Variants in DPP10 observed in about 807,000 individuals in gnomAD.
DPP10 encodes dipeptidyl peptidase like 10, also known as inactive dipeptidyl peptidase 10.
In DPP10, 33 loss-of-function variants were observed where a neutral mutation model predicts 120.9. The observed-to-expected ratio is 0.27, with a 90% CI of 0.21 to 0.37. The LOEUF is 0.37. Among genes scored for constraint, DPP10 ranks in the 10% least tolerant of loss-of-function variants. The probability of loss-of-function intolerance (pLI) is 1.00; values close to 1 mark genes in which losing one functional copy is unlikely to be tolerated. For synonymous variants in DPP10, 337 were observed against 326.1 expected (o/e 1.03, Z -0.36); for missense variants, 816 against 942.8 (o/e 0.87, Z 1.76).
intron 1 of DPP10, among the ~76,000 whole-genome samples, chr2:115,231,820 C>T (rs186448570): frequency 2.6e-5 from 4 of 152,290 alleles, no homozygotes; most frequent in Non-Finnish European, 4.4e-5. Context: ...TATTTGGGAT[C>T]AGCTCCACCT....
chr2:115,056,565 T>C (rs930474947), intron 1 of DPP10, among the ~76,000 whole-genome samples: 3 of 152,144 alleles, frequency 2.0e-5, no homozygotes, highest in Non-Finnish European at 4.4e-5. Flanking sequence ...TTCTGTGTTG[T>C]CCAGGTCTGT....
intron 1 of DPP10, among the ~76,000 whole-genome samples, chr2:115,200,215 G>C (rs561462833): frequency 1.3e-5 from 2 of 152,152 alleles, no homozygotes; most frequent in Non-Finnish European, 2.9e-5. Flanking sequence ...TCGGTTGGGC[G>C]TCTTTTCCAT....
At chr2:115,736,763 A>T (rs1177837343) in intron 8 of DPP10, among the ~76,000 whole-genome samples, 1 of 152,280 alleles carries the variant, frequency 6.6e-6, no homozygotes, top group South Asian at 2.1e-4. Flanking sequence ...GATGGCCACT[A>T]CCATTGGCAG....
chr2:114,743,090 G>A (rs568186478), intron 1 of DPP10, among the ~76,000 whole-genome samples: 2 of 152,250 alleles, frequency 1.3e-5, no homozygotes, highest in East Asian at 1.9e-4. Context: ...TTTCTTCTGC[G>A]TAAAGACAAA....
intron 1 of DPP10, among the ~76,000 whole-genome samples, chr2:115,226,942 C>T (rs1574078338): frequency 6.6e-6 from 1 of 152,146 alleles, no homozygotes; most frequent in African/African-American, 2.4e-5. Flanking sequence ...TCAAGTAAAA[C>T]AAAACAAAAC....
chr2:115,465,635 C>G (rs1011029751), intron 3 of DPP10, among the ~76,000 whole-genome samples: 9 of 152,078 alleles, frequency 5.9e-5, no homozygotes, highest in Non-Finnish European at 1.3e-4. Flanking sequence ...ACAGCCTGGC[C>G]AACATGGTGA....
chr2:115,372,879 C>A (rs537345003), intron 3 of DPP10, among the ~76,000 whole-genome samples: 1 of 152,300 alleles, frequency 6.6e-6, no homozygotes, highest in Admixed American at 6.5e-5. Flanking sequence ...AATTATTTAA[C>A]TTGCTTTTGT....
At chr2:115,090,765 T>G (rs1709180877) in intron 1 of DPP10, among the ~76,000 whole-genome samples, 1 of 151,994 alleles carries the variant, frequency 6.6e-6, no homozygotes, top group East Asian at 1.9e-4. Context: ...GTTTCTGTGT[T>G]GGGGAGAAGT....
intron 3 of DPP10, among the ~76,000 whole-genome samples, chr2:115,486,511 A>G (rs138941884): frequency 0.011 from 1,600 of 152,224 alleles, 17 homozygotes; most frequent in South Asian, 0.021. Context: ...TTTACTTTAT[A>G]TGAGATGCTC....
intron 1 of DPP10, among the ~76,000 whole-genome samples, chr2:114,450,913 C>CT (rs1465308334): frequency 2.4e-4 from 36 of 151,966 alleles, no homozygotes; most frequent in Non-Finnish European, 8.8e-5. Context: ...TCTAGTGAGG[C>CT]TTTTTATAAT....
At chr2:115,543,191 G>C (rs2079279086) in intron 5 of DPP10, among the ~76,000 whole-genome samples, 2 of 152,022 alleles carry the variant, frequency 1.3e-5, no homozygotes, top group South Asian at 4.1e-4. Flanking sequence ...CAGCCCAGCA[G>C]AGAATATCAC....
intron 1 of DPP10, among the ~76,000 whole-genome samples, chr2:114,606,156 C>T (rs1692777555): frequency 6.6e-6 from 1 of 152,078 alleles, no homozygotes; most frequent in Non-Finnish European, 1.5e-5. Flanking sequence ...TGACTCAGGT[C>T]TCACTTGAAA....
At chr2:115,026,508 G>A (rs1559008849) in intron 1 of DPP10, among the ~76,000 whole-genome samples, 1 of 151,972 alleles carries the variant, frequency 6.6e-6, no homozygotes, top group Non-Finnish European at 1.5e-5. Context: ...GTCTTTTGCG[G>A]TTCCATATAA....
chr2:114,869,127 C>A (rs1271452790), intron 1 of DPP10, among the ~76,000 whole-genome samples: 4 of 152,054 alleles, frequency 2.6e-5, no homozygotes, highest in Non-Finnish European at 5.9e-5. Context: ...CAACACTGTA[C>A]TTTATTTACA....
intron 4 of DPP10, among the ~76,000 whole-genome samples, chr2:115,511,856 T>C (rs2077249164): frequency 6.7e-6 from 1 of 150,318 alleles, no homozygotes; most frequent in Admixed American, 6.7e-5. Context: ...GCCTCCTGAG[T>C]ATCTGCACTA....
At chr2:114,753,931 A>C (rs1407237980) in intron 1 of DPP10, among the ~76,000 whole-genome samples, 3 of 150,352 alleles carry the variant, frequency 2.0e-5, no homozygotes, top group African/African-American at 4.9e-5. Flanking sequence ...AAAAAAAAAA[A>C]AGAAAAGAAA....
intron 1 of DPP10, among the ~76,000 whole-genome samples, chr2:114,946,541 A>G (rs1455083673): frequency 6.6e-6 from 1 of 152,144 alleles, no homozygotes; most frequent in Non-Finnish European, 1.5e-5. Context: ...AAGTAAATAA[A>G]AATATCCCCT....
chr2:115,677,463 A>G (rs1051046874), intron 5 of DPP10, among the ~76,000 whole-genome samples: 2 of 148,262 alleles, frequency 1.3e-5, no homozygotes, highest in Non-Finnish European at 3.0e-5. Context: ...AAATTCCCCA[A>G]TAAAAAGATA....
chr2:114,730,847 C>G (rs1012592854), intron 1 of DPP10, among the ~76,000 whole-genome samples: 1 of 151,898 alleles, frequency 6.6e-6, no homozygotes, highest in Non-Finnish European at 1.5e-5. Flanking sequence ...GCCTTGGCCT[C>G]ACAAAGTGCT....
Sources: allele counts gnomAD v4.1 joint callset (sites outside exome capture counted in the v4.1 genomes callset), GRCh38; gene constraint gnomAD v4.1.1; transcripts MANE v1.5; gene names NCBI Gene and HGNC (gene_info 2026-07-23, HGNC 2026-07-21).